MAP3K7CL: variants seen among roughly 807,000 people sequenced by gnomAD.
MAP3K7CL encodes MAP3K7 C-terminal like.
A neutral mutation model predicts 18.6 loss-of-function variants in MAP3K7CL; 16 were observed. The ratio of observed to expected loss-of-function variants is 0.86; its 90% CI spans 0.58 to 1.31. MAP3K7CL has a LOEUF of 1.31. Among genes scored for constraint, MAP3K7CL ranks in the 50% most tolerant of loss-of-function variants. The pLI is 0.00. For synonymous variants in MAP3K7CL, 65 were observed against 66.8 expected (o/e 0.97, Z 0.13); for missense variants, 163 against 174.4 (o/e 0.93, Z 0.37).
intron 2 of MAP3K7CL, among the ~76,000 whole-genome samples, chr21:29,146,732 G>A (rs997732133): frequency 4.6e-5 from 7 of 152,212 alleles, no homozygotes; most frequent in African/African-American, 1.7e-4. Flanking sequence ...TTCAAATTTG[G>A]TGATGCATTG....
At chr21:29,082,127 C>T (rs150320009), upstream of MAP3K7CL, among the ~76,000 whole-genome samples, 4 of 151,896 alleles carry the variant, frequency 2.6e-5, no homozygotes, top group East Asian at 5.8e-4. Context: ...TGAATCTGTC[C>T]CTCTTTCCAC....
intron 1 of MAP3K7CL, chr21:29,086,012 A>G (rs2146484025): frequency 7.2e-7 from 1 of 1,391,676 alleles, no homozygotes; most frequent in Non-Finnish European, 1.0e-6. Flanking sequence ...GGAAAGAAGC[A>G]GAGAGAAATG....
intron 4 of MAP3K7CL, among the ~76,000 whole-genome samples, chr21:29,112,923 C>G (rs1177351217): frequency 6.6e-6 from 1 of 152,002 alleles, no homozygotes; most frequent in Non-Finnish European, 1.5e-5. Context: ...ATTCTCCTGT[C>G]TCAGCCTCCC....
chr21:29,082,858 T>C (rs183226009), upstream of MAP3K7CL, among the ~76,000 whole-genome samples: 88 of 152,320 alleles, frequency 5.8e-4, no homozygotes, highest in African/African-American at 2.0e-3. Flanking sequence ...AAGAAAATAC[T>C]GGGATCAATT....
At chr21:29,086,056 G>A in intron 1 of MAP3K7CL, 1 of 900,660 alleles carries the variant, frequency 1.1e-6, no homozygotes, top group Non-Finnish European at 1.8e-6. Flanking sequence ...ATTACTGTTG[G>A]CAATCTGTGG....
intron 4 of MAP3K7CL, among the ~76,000 whole-genome samples, chr21:29,099,939 C>T (rs1191240642): frequency 2.6e-5 from 4 of 151,958 alleles, no homozygotes; most frequent in South Asian, 2.1e-4. Flanking sequence ...AAAAATTAGC[C>T]GGGCGTGGTG....
Position 29,175,048 on chromosome 21 carries a change from G to A in MAP3K7CL, c.*156G>A. 1.6e-6 allele frequency: 1 copy of A among 618,048 alleles called. No homozygotes were observed. The highest frequency in any genetic ancestry group is 2.6e-6 in the Non-Finnish European group (1 of 382,438). 38.3% of individuals were successfully genotyped at this position (618,048 alleles called of 1,614,324 possible). A position where few individuals can be genotyped will look rare whatever the true frequency, so the allele number is the denominator to read the frequency against. Reference sequence around the variant, plus strand: ...TGAGTTTACTGCTTGCCAGCTTCTAGCTTGAGAGAAGGGATATTTTAAATG... The same window carrying A: ...TGAGTTTACTGCTTGCCAGCTTCTAACTTGAGAGAAGGGATATTTTAAATG... On this transcript the variant is annotated 3_prime_UTR_variant, in exon 5 of 5. Transcript: ENST00000399928.
chr21:29,101,561 A>C (rs1169827585), intron 4 of MAP3K7CL, among the ~76,000 whole-genome samples: 1 of 152,122 alleles, frequency 6.6e-6, no homozygotes, highest in Non-Finnish European at 1.5e-5. Flanking sequence ...GGCGCCCGCC[A>C]CCATGCCCAG....
At chr21:29,079,799 C>G (rs1194112870) in intron 1 of MAP3K7CL, among the ~76,000 whole-genome samples, 1 of 152,186 alleles carries the variant, frequency 6.6e-6, no homozygotes, top group African/African-American at 2.4e-5. Context: ...GAGTGAGTAG[C>G]TCCCTTAAAG....
chr21:29,086,439 A>ACTT (rs2085927291), intron 1 of MAP3K7CL, among the ~76,000 whole-genome samples: 1 of 152,154 alleles, frequency 6.6e-6, no homozygotes, highest in Non-Finnish European at 1.5e-5. Flanking sequence ...CAGCTTGGAA[A>ACTT]ACAGAAAGTC....
chr21:29,162,465 T>G (rs1039564015), intron 4 of MAP3K7CL, among the ~76,000 whole-genome samples: 1 of 151,918 alleles, frequency 6.6e-6, no homozygotes, highest in Non-Finnish European at 1.5e-5. Context: ...GCAGATCACC[T>G]GAGGTCAGGA....
intron 4 of MAP3K7CL, among the ~76,000 whole-genome samples, chr21:29,099,443 G>A (rs2086183020): frequency 6.6e-6 from 1 of 151,750 alleles, no homozygotes; most frequent in Admixed American, 6.6e-5. Flanking sequence ...GGAGTTGAAA[G>A]ATTCAAAACA....
At chr21:29,144,385 G>T (rs936276561) in intron 2 of MAP3K7CL, among the ~76,000 whole-genome samples, 1 of 152,090 alleles carries the variant, frequency 6.6e-6, no homozygotes, top group Non-Finnish European at 1.5e-5. Context: ...GGCTGGTCTC[G>T]AACTCCTGAC....
intron 3 of MAP3K7CL, among the ~76,000 whole-genome samples, chr21:29,150,168 G>A (rs1398143079): frequency 6.6e-6 from 1 of 152,160 alleles, no homozygotes; most frequent in Non-Finnish European, 1.5e-5. Context: ...GTGTCCTAAC[G>A]TCATTTGAGT....
At chr21:29,133,273 T>C (rs758280753) in intron 1 of MAP3K7CL, 33 bp from the exon 2 acceptor site, 3 of 1,510,728 alleles carry the variant, frequency 2.0e-6, no homozygotes, top group Non-Finnish European at 2.7e-6. Flanking sequence ...TGATGCTGGA[T>C]AAAGTGACAA....
At chr21:29,143,119 A>G (rs1362137223) in intron 2 of MAP3K7CL, among the ~76,000 whole-genome samples, 1 of 152,222 alleles carries the variant, frequency 6.6e-6, no homozygotes, top group African/African-American at 2.4e-5. Flanking sequence ...TCAACTTCAT[A>G]ATTTGCAGGA....
At chr21:29,166,461 G>T (rs1305530483) in intron 4 of MAP3K7CL, among the ~76,000 whole-genome samples, 3 of 152,194 alleles carry the variant, frequency 2.0e-5, no homozygotes, top group Admixed American at 2.0e-4. Context: ...TTGCAATTCG[G>T]TGGTTTTCAG....
intron 3 of MAP3K7CL, among the ~76,000 whole-genome samples, chr21:29,154,378 G>A (rs1162803223): frequency 7.2e-6 from 1 of 138,544 alleles, no homozygotes; most frequent in Admixed American, 7.6e-5. Flanking sequence ...AAGGTGCTTC[G>A]AGAACAATAT....
chr21:29,098,449 G>A (rs2086162096), intron 4 of MAP3K7CL, among the ~76,000 whole-genome samples: 1 of 151,880 alleles, frequency 6.6e-6, no homozygotes, highest in Non-Finnish European at 1.5e-5. Flanking sequence ...TGGAGCAGCT[G>A]GAATGATTTT....
Sources: allele counts gnomAD v4.1 joint callset (sites outside exome capture counted in the v4.1 genomes callset), GRCh38; gene constraint gnomAD v4.1.1; transcripts MANE v1.5; gene names NCBI Gene and HGNC (gene_info 2026-07-23, HGNC 2026-07-21).